The following RELL1 variants were observed in gnomAD, a reference collection of about 807,000 sequenced individuals.
RELL1 encodes RELT like 1, also known as RELT-like protein 1.
Under a neutral mutation model 23.0 loss-of-function variants are expected in RELL1, and 10 were observed. The ratio of observed to expected loss-of-function variants is 0.43; its 90% CI spans 0.27 to 0.74. The LOEUF is 0.74. Ranked by LOEUF, RELL1 falls within the 30% of genes least tolerant of loss-of-function variation. The pLI is 0.19. For synonymous variants in RELL1, 146 were observed against 146.8 expected, an observed-to-expected ratio of 0.99 and a Z score of 0.04; for missense variants, 315 against 364.4, an observed-to-expected ratio of 0.86 and a Z score of 1.10.
chr4:37,683,009 T>G (rs1722274923), intron 1 of RELL1, among the ~76,000 whole-genome samples: 1 of 152,156 alleles, frequency 6.6e-6, no homozygotes, highest in African/African-American at 2.4e-5. Flanking sequence ...GGTATATAGT[T>G]TCGAATGCTG....
chr4:37,604,168 A>C (rs1453114347), intron 6 of RELL1, among the ~76,000 whole-genome samples: 1 of 152,000 alleles, frequency 6.6e-6, no homozygotes, highest in African/African-American at 2.4e-5. Context: ...CACCATGGGG[A>C]ACAGAAGGGT....
At chr4:37,669,900 C>T (rs1011177854) in intron 1 of RELL1, among the ~76,000 whole-genome samples, 1 of 151,556 alleles carries the variant, frequency 6.6e-6, no homozygotes, top group African/African-American at 2.4e-5. Flanking sequence ...ACAAACAATG[C>T]GGAAGGCCGC....
chr4:37,596,621 T>C (rs1718853688), intron 6 of RELL1, among the ~76,000 whole-genome samples: 1 of 145,684 alleles, frequency 6.9e-6, no homozygotes, highest in Non-Finnish European at 1.5e-5. Flanking sequence ...TCCCCTGGGG[T>C]ATGTGAAACC....
chr4:37,644,616 C>T (rs1040220900), intron 3 of RELL1, among the ~76,000 whole-genome samples: 3 of 151,690 alleles, frequency 2.0e-5, no homozygotes, highest in South Asian at 2.1e-4. Flanking sequence ...TGCACCACCA[C>T]GCCCAGCTAA....
intron 2 of RELL1, among the ~76,000 whole-genome samples, chr4:37,648,421 T>A (rs1004657773): frequency 2.6e-5 from 4 of 152,242 alleles, no homozygotes; most frequent in South Asian, 4.1e-4. Flanking sequence ...CAGCCAGCCC[T>A]GCTTTGCCTG....
intron 6 of RELL1, among the ~76,000 whole-genome samples, chr4:37,628,825 A>G (rs976864598): frequency 6.6e-6 from 1 of 152,208 alleles, no homozygotes; most frequent in Non-Finnish European, 1.5e-5. Context: ...ATCAAATCCA[A>G]TCCTCGTTTA....
downstream of RELL1, chr4:37,588,807 A>C: frequency 7.2e-7 from 1 of 1,394,562 alleles, no homozygotes; most frequent in Non-Finnish European, 1.0e-6. Flanking sequence ...CTAATATATC[A>C]CTCACTGTGT....
intron 6 of RELL1, among the ~76,000 whole-genome samples, chr4:37,593,324 G>A (rs705099): frequency 0.64 from 97,768 of 151,966 alleles, 33,116 homozygotes; most frequent in Non-Finnish European, 0.75. Flanking sequence ...TGTATCACTG[G>A]CCCGTGTATC....
intron 1 of RELL1, among the ~76,000 whole-genome samples, chr4:37,681,402 A>G (rs899557752): frequency 6.6e-6 from 1 of 152,212 alleles, no homozygotes; most frequent in African/African-American, 2.4e-5. Flanking sequence ...ACAAGAGCTC[A>G]GTAAGACAGA....
intron 2 of RELL1, among the ~76,000 whole-genome samples, chr4:37,647,939 T>A (rs1720764844): frequency 6.6e-6 from 1 of 152,222 alleles, no homozygotes; most frequent in South Asian, 2.1e-4. Context: ...AGGGCTTGGT[T>A]ATGTGTCCAC....
At chr4:37,653,336 A>T (rs540655437) in intron 1 of RELL1, among the ~76,000 whole-genome samples, 3 of 148,326 alleles carry the variant, frequency 2.0e-5, no homozygotes, top group South Asian at 4.5e-4. Context: ...CAATACAAGT[A>T]TTGAAACCTC....
chr4:37,660,825 A>C (rs1018793126), intron 1 of RELL1, among the ~76,000 whole-genome samples: 3 of 152,116 alleles, frequency 2.0e-5, no homozygotes, highest in Non-Finnish European at 4.4e-5. Flanking sequence ...AGGTCAGGAG[A>C]TCAAGACCAT....
intron 6 of RELL1, among the ~76,000 whole-genome samples, chr4:37,624,325 A>G (rs1447778044): frequency 6.6e-6 from 1 of 152,178 alleles, no homozygotes; most frequent in Non-Finnish European, 1.5e-5. Context: ...TGATTTTTAT[A>G]ATAAAAAGAA....
At chr4:37,624,458 C>T (rs1344254130) in intron 6 of RELL1, among the ~76,000 whole-genome samples, 5 of 142,604 alleles carry the variant, frequency 3.5e-5, no homozygotes, top group African/African-American at 5.3e-5. Flanking sequence ...CTCCCTCTGT[C>T]GCCCAGGCTG....
chr4:37,662,456 A>C (rs1217522776), intron 1 of RELL1, among the ~76,000 whole-genome samples: 1 of 152,124 alleles, frequency 6.6e-6, no homozygotes, highest in Non-Finnish European at 1.5e-5. Context: ...TTGGCTGGAC[A>C]AAAAGGGAAC....
chr4:37,684,043 T>C (rs1266034289), intron 1 of RELL1, among the ~76,000 whole-genome samples: 4 of 151,518 alleles, frequency 2.6e-5, no homozygotes, highest in Non-Finnish European at 5.9e-5. Context: ...GCCACTGCAC[T>C]CCAGCCTGGG....
intron 6 of RELL1, among the ~76,000 whole-genome samples, chr4:37,628,958 C>CA (rs905463111): frequency 1.3e-5 from 2 of 152,078 alleles, no homozygotes; most frequent in African/African-American, 4.8e-5. Flanking sequence ...AGATTCGGGC[C>CA]AAAAAAACCA....
chr4:37,605,869 AAAGGAAAG>A (rs1719198469), downstream of RELL1, among the ~76,000 whole-genome samples: 1 of 148,128 alleles, frequency 6.8e-6, no homozygotes. Flanking sequence ...AAAGAAAGAG[AAAGGAAAG>A]AAGGAAAGAA....
At chr4:37,685,197 A>G (rs934167755) in intron 1 of RELL1, among the ~76,000 whole-genome samples, 1 of 152,224 alleles carries the variant, frequency 6.6e-6, no homozygotes, top group Non-Finnish European at 1.5e-5. Context: ...ATGGATGTTT[A>G]TGGAGGAGAC....
Sources: allele counts gnomAD v4.1 joint callset (sites outside exome capture counted in the v4.1 genomes callset), GRCh38; gene constraint gnomAD v4.1.1; transcripts MANE v1.5; gene names NCBI Gene and HGNC (gene_info 2026-07-23, HGNC 2026-07-21).